The following FNDC3A variants were observed in gnomAD, a reference collection of about 807,000 sequenced individuals.
FNDC3A encodes the protein fibronectin type-III domain-containing protein 3A.
FNDC3A carries 32 observed loss-of-function variants against 148.9 expected under a neutral mutation model. The observed-to-expected ratio is 0.21, with a 90% CI of 0.16 to 0.29. The LOEUF (loss-of-function observed/expected upper bound fraction) is 0.29. Among genes scored for constraint, FNDC3A ranks in the 10% least tolerant of loss-of-function variants. The probability of loss-of-function intolerance (pLI) is 1.00; values close to 1 mark genes in which losing one functional copy is unlikely to be tolerated. For synonymous variants in FNDC3A, 472 were observed against 473.6 expected (o/e 1.00, Z 0.04); for missense variants, 1,191 against 1,452.8 (o/e 0.82, Z 2.93).
Position 48,998,405 on chromosome 13 carries a change from C to G in FNDC3A, c.-39-7747C>G, listed in dbSNP as rs1183663230. Among the ~76,000 whole-genome samples the G allele has an allele frequency of 2.0e-5, 3 of 152,308 alleles. No individual in the cohort carries two copies. In the East Asian group the frequency reaches 5.8e-4, roughly 29 times the overall value. On this transcript the variant is annotated intron_variant, in intron 1 of 25. Coordinates refer to ENST00000492622, the MANE Select transcript of FNDC3A (RefSeq NM_001079673.2). The stretch of plus-strand genomic sequence containing the variant: ...ATCATGTGATGGGTTGCAGTTAAAA[C>G]AGTCAAAACTTTGTCTCATGCACAA...
At chr13:49,031,274 C>T (rs751808527) in intron 2 of FNDC3A, among the ~76,000 whole-genome samples, 14 of 152,034 alleles carry the variant, frequency 9.2e-5, no homozygotes, top group East Asian at 7.8e-4. Context: ...TCCAGCTACT[C>T]GGGAGGCTGA....
chr13:49,019,330 A>G (rs1479307388), intron 2 of FNDC3A, among the ~76,000 whole-genome samples: 1 of 152,230 alleles, frequency 6.6e-6, no homozygotes, highest in Non-Finnish European at 1.5e-5. Flanking sequence ...GCCCGTCGGA[A>G]AAGCGCAGTA....
chr13:49,180,508 G>A (rs1885250305), intron 14 of FNDC3A, among the ~76,000 whole-genome samples: 1 of 151,876 alleles, frequency 6.6e-6, no homozygotes, highest in East Asian at 1.9e-4. Flanking sequence ...TGAGAAATAG[G>A]CACATCCATT....
intron 13 of FNDC3A, 50 bp downstream of exon 13, chr13:49,175,591 TAAG>T (rs779635545): frequency 6.8e-6 from 9 of 1,326,134 alleles, no homozygotes; most frequent in South Asian, 1.4e-5. Flanking sequence ...ATTTTCAGCT[TAAG>T]GAGATTTTGG....
At chr13:49,205,608 AAAT>A (rs1886610991) in intron 25 of FNDC3A, among the ~76,000 whole-genome samples, 1 of 152,186 alleles carries the variant, frequency 6.6e-6, no homozygotes, top group Admixed American at 6.5e-5. Flanking sequence ...AAAATCAAAA[AAAT>A]TGAAATGCTT....
chr13:49,015,058 C>T (rs1952463506), intron 2 of FNDC3A, among the ~76,000 whole-genome samples: 2 of 152,214 alleles, frequency 1.3e-5, no homozygotes, highest in Admixed American at 6.5e-5. Flanking sequence ...GTTCTTTTGG[C>T]TTAGGATTGA....
chr13:49,143,922 G>A (rs1882831940), intron 7 of FNDC3A, among the ~76,000 whole-genome samples: 1 of 151,752 alleles, frequency 6.6e-6, no homozygotes. Context: ...AGGCGGGAGG[G>A]TGGCTTGAGG....
intron 2 of FNDC3A, among the ~76,000 whole-genome samples, chr13:49,035,361 G>T (rs1271243384): frequency 6.6e-6 from 1 of 151,938 alleles, no homozygotes; most frequent in African/African-American, 2.4e-5. Flanking sequence ...CTATAAATGT[G>T]TATATGTGGG....
chr13:49,053,672 G>A lies in FNDC3A; in HGVS notation c.100-21617G>A, dbSNP rs138990114. On this transcript the variant is annotated intron_variant, in intron 2 of 25. Coordinates refer to ENST00000492622, the MANE Select transcript of FNDC3A (RefSeq NM_001079673.2). ...AGACCTGGAATCAATAGAAAGAAGC[G>A]TCTAGGTTAAGGCGTTGTGGAGACC... Among the ~76,000 whole-genome samples, 461 of 152,240 alleles carry A rather than the reference G, an allele frequency of 3.0e-3. 4 individuals are homozygous for A. Among genetic ancestry groups the A allele is most frequent in the African/African-American group, 0.01 (432 of 41,538 alleles).
At chr13:48,982,685 C>A (rs1034897887) in intron 1 of FNDC3A, among the ~76,000 whole-genome samples, 9 of 152,118 alleles carry the variant, frequency 5.9e-5, no homozygotes, top group Non-Finnish European at 1.0e-4. Flanking sequence ...TTTCCTTTGT[C>A]TTTGAGAGTC....
intron 2 of FNDC3A, among the ~76,000 whole-genome samples, chr13:49,014,711 C>G (rs1952451802): frequency 7.4e-6 from 1 of 134,298 alleles, no homozygotes; most frequent in Non-Finnish European, 1.6e-5. Flanking sequence ...AGGTTTTCTT[C>G]TAGGGTTTTT....
At chr13:49,168,856 T>C in intron 10 of FNDC3A, 105 bp downstream of exon 10, 2 of 1,048,990 alleles carry the variant, frequency 1.9e-6, no homozygotes, top group Non-Finnish European at 2.8e-6. Context: ...TTTAATTTGT[T>C]CCTGCTTTTT....
intron 3 of FNDC3A, among the ~76,000 whole-genome samples, chr13:49,085,927 G>C (rs1485962246): frequency 4.0e-5 from 6 of 150,502 alleles, no homozygotes; most frequent in Non-Finnish European, 7.4e-5. Context: ...GTCTTGCCCA[G>C]GCTGGAGTGC....
chr13:49,147,702 A>C (rs73184680), intron 8 of FNDC3A, among the ~76,000 whole-genome samples: 4,596 of 152,266 alleles, frequency 0.03, 190 homozygotes, highest in Admixed American at 0.13. Flanking sequence ...TGGGAAAAGC[A>C]CATCTCTTCA....
intron 2 of FNDC3A, among the ~76,000 whole-genome samples, chr13:49,060,753 G>A (rs1247220762): frequency 6.7e-6 from 1 of 150,064 alleles, no homozygotes; most frequent in African/African-American, 2.5e-5. Context: ...GATCACTATT[G>A]TATGATTTTG....
Position 49,114,608 on chromosome 13 carries a change from C to G in FNDC3A, c.176-47C>G, listed in dbSNP as rs770592597. 19 of 1,273,812 alleles carry G rather than the reference C, an allele frequency of 1.5e-5. No homozygotes were observed. The East Asian group carries it at 3.7e-4, about 25-fold the overall frequency. The allele number at this position is 1,273,812 out of a possible 1,614,324, so 78.9% of individuals were successfully genotyped here. On this transcript the variant is annotated intron_variant, in intron 3 of 25. Transcript: ENST00000492622. ...AATTCAAATTGTTTTCAACTTTAGCCTGATAAGCAATCATGGGTTAATACA... is the reference window on the plus strand; with the variant it reads ...AATTCAAATTGTTTTCAACTTTAGCGTGATAAGCAATCATGGGTTAATACA...
At chr13:48,987,901 G>C (rs1420503289) in intron 1 of FNDC3A, 1 of 152,154 alleles carries the variant, frequency 6.6e-6, no homozygotes, top group Non-Finnish European at 1.5e-5. Flanking sequence ...TATTTAAATA[G>C]CATAAATTTG....
At chr13:49,123,329 C>T (rs530597518) in intron 4 of FNDC3A, among the ~76,000 whole-genome samples, 1 of 152,268 alleles carries the variant, frequency 6.6e-6, no homozygotes, top group South Asian at 2.1e-4. Context: ...TTTCCTTACA[C>T]TTTATACAAA....
chr13:49,122,432 C>G (rs1299011874), intron 4 of FNDC3A, among the ~76,000 whole-genome samples: 2 of 152,148 alleles, frequency 1.3e-5, no homozygotes, highest in African/African-American at 4.8e-5. Flanking sequence ...CCTTTGAAAA[C>G]CAGCAGAAGA....
Sources: gnomAD v4.1 joint callset for allele counts (sites outside exome capture counted in the v4.1 genomes callset) on GRCh38, gnomAD v4.1.1 for gene constraint, MANE v1.5 for transcripts, NCBI Gene and HGNC (gene_info 2026-07-23, HGNC 2026-07-21) for gene names.